Variants in ABCA3 observed in about 807,000 individuals in gnomAD.
The protein encoded by ABCA3 is ATP binding cassette subfamily A member 3.
In ABCA3, 88 loss-of-function variants were observed where a neutral mutation model predicts 172.8. The ratio of observed to expected loss-of-function variants is 0.51; its 90% confidence interval spans 0.43 to 0.61. ABCA3 has a LOEUF of 0.61. Among genes scored for constraint, ABCA3 ranks in the 20% least tolerant of loss-of-function variants. ABCA3 has a pLI of 0.00. For synonymous variants in ABCA3, 1,066 were observed against 983.8 expected (o/e 1.08, Z -1.56); for missense variants, 2,164 against 2,301.0 (o/e 0.94, Z 1.22).
intron 8 of ABCA3, among the ~76,000 whole-genome samples, chr16:2,318,692 T>C (rs554277994): frequency 7.2e-5 from 11 of 152,106 alleles, no homozygotes; most frequent in African/African-American, 2.6e-4. Flanking sequence ...TTTGTATTTT[T>C]AGTAGAGACA....
At chr16:2,317,063 G>A (rs1263218727) in intron 10 of ABCA3, among the ~76,000 whole-genome samples, 1 of 152,222 alleles carries the variant, frequency 6.6e-6, no homozygotes, top group Non-Finnish European at 1.5e-5. Context: ...CTGCTGGACA[G>A]CACTCGGCAT....
rs773818095 is a variant in ABCA3, at chr16:2,323,595, T to C, written c.541A>G (p.Thr181Ala). 2 of 1,614,128 alleles carry C rather than the reference T, an allele frequency of 1.2e-6. No individual in the cohort carries two copies. The highest frequency in any genetic ancestry group is 1.7e-5 in the Admixed American group (1 of 60,006). Residue 181 changes from threonine (T) to alanine (A), a missense_variant, in exon 7 of 33, where the codon ACT (threonine) becomes GCT (alanine). By Grantham distance (58) the Thr-to-Ala change is moderately conservative (BLOSUM62 0). Transcript: ENST00000301732. The part of the protein sequence containing the change: ...FFLKETEGWH[T>A]TSLFPLFPNP... ...GGGAAAAGCGGGAAAAGGGAAGTAG[T>C]GTGCCAGCCTTCTGTCTCTTTCAGG...
rs1477629951 is a variant in ABCA3 at position 2,319,679 on chromosome 16, T to A, written c.775A>T (p.Ile259Phe). Reference protein sequence around the residue: ...PFIADPFLVAIQYQLPLLLLL... With the variant: ...PFIADPFLVAFQYQLPLLLLL... ...AGCAGCAGGGGCAGCTGGTACTGGA[T>A]GGCCACGAGGAAGGGGTCTGCGATG... The change falls in exon 8 of 33, where the codon ATC becomes TTC. Residue 259 changes from isoleucine (I) to phenylalanine (F), a missense_variant. Coordinates refer to ENST00000301732, the MANE Select transcript of ABCA3 (RefSeq NM_001089.3). The A allele has an allele frequency of 6.2e-7, 1 of 1,613,684 alleles. No individual in the cohort carries two copies. Among genetic ancestry groups the A allele is most frequent in the African/African-American group, 1.3e-5 (1 of 74,846 alleles).
chr16:2,281,572 G>C lies in ABCA3; in HGVS notation c.4036-63C>G, dbSNP rs1201552587. On this transcript the variant is annotated intron_variant, in intron 26 of 32. Coordinates refer to ENST00000301732, the MANE Select transcript of ABCA3 (RefSeq NM_001089.3). The surrounding 1 kb of genome is among the most constrained non-coding windows in gnomAD (Gnocchi z 4.7). ...GCCGCAGGGCGGCTTCCGTGGAGAAGGGAGGGGCGGGGGTGGATGTGGGAG... is the reference window on the plus strand; with the variant it reads ...GCCGCAGGGCGGCTTCCGTGGAGAACGGAGGGGCGGGGGTGGATGTGGGAG... 1 of 1,547,614 alleles carries C rather than the reference G, an allele frequency of 6.5e-7. No individual in the cohort carries two copies. Among genetic ancestry groups the C allele is most frequent in the Non-Finnish European group, 8.9e-7 (1 of 1,129,768 alleles).
At position 2,284,136 on chromosome 16, in the gene ABCA3, A is replaced by C; in HGVS notation, c.3862+143T>G. 9.5e-7 allele frequency: 1 copy of C among 1,054,102 alleles called. No homozygotes were observed. Among genetic ancestry groups the C allele is most frequent in the Non-Finnish European group, 1.3e-6 (1 of 750,134 alleles). 65.3% of individuals were successfully genotyped at this position (1,054,102 alleles called of 1,614,324 possible). A position where few individuals can be genotyped will look rare whatever the true frequency, so the allele number is the denominator to read the frequency against. ...GCGGGCGCGAGGGGGCTGCTGTGGG[A>C]GGTGGGGCAAGGCGGTACAGAGGAA... On this transcript the variant is annotated intron_variant, in intron 25 of 32. Coordinates refer to ENST00000301732, the MANE Select transcript of ABCA3 (RefSeq NM_001089.3). The surrounding 1 kb of genome is among the most constrained non-coding windows in gnomAD (Gnocchi z 5.9).
chr16:2,280,038 G>A (rs2093652689), intron 28 of ABCA3, among the ~76,000 whole-genome samples: 1 of 152,276 alleles, frequency 6.6e-6, no homozygotes, highest in South Asian at 2.1e-4. Flanking sequence ...CGTGAGCCAC[G>A]CTCCCAGCCC....
chr16:2,284,256 G>A lies in ABCA3; in HGVS notation c.3862+23C>T, dbSNP rs544213510. 3.5e-5 allele frequency: 56 copies of A among 1,607,850 alleles called. No individual in the cohort carries two copies. Among genetic ancestry groups the A allele is most frequent in the Non-Finnish European group, 4.0e-5 (47 of 1,176,034 alleles). ...TCCTGAGGACGCAGGGGTGCTGCCC[G>A]GGGTCGGGGCTGGGACACTCACTAT... On this transcript the variant is annotated intron_variant, in intron 25 of 32. Transcript: ENST00000301732. This position sits in a 1 kb window ranked among gnomAD's most constrained non-coding sequence, Gnocchi z 5.9.
chr16:2,333,300 G>A (rs1404414182), intron 1 of ABCA3, among the ~76,000 whole-genome samples: 2 of 152,122 alleles, frequency 1.3e-5, no homozygotes, highest in Non-Finnish European at 2.9e-5. Context: ...TGTCCACAAA[G>A]GCATAGAGAA....
chr16:2,301,346 A>G (rs2141712554), intron 12 of ABCA3, among the ~76,000 whole-genome samples: 1 of 152,174 alleles, frequency 6.6e-6, no homozygotes, highest in East Asian at 1.9e-4. Flanking sequence ...GGTCAGTGTC[A>G]TCTTACAGTT....
intron 13 of ABCA3, 119 bp from the exon 14 acceptor site, chr16:2,299,651 T>C (rs1341410670): frequency 6.6e-7 from 1 of 1,504,366 alleles, no homozygotes; most frequent in Non-Finnish European, 9.1e-7. Flanking sequence ...TCACCATCAG[T>C]GTGCAGAGGG....
chr16:2,337,567 T>A (rs975375068), intron 1 of ABCA3, among the ~76,000 whole-genome samples: 1 of 151,190 alleles, frequency 6.6e-6, no homozygotes. Context: ...TTTTTTTTTT[T>A]AGAGATGGGA....
rs555325711 is a variant in ABCA3, at chr16:2,282,849, C to T, written c.4035+337G>A. Among the ~76,000 whole-genome samples, 14 of 144,338 alleles carry T rather than the reference C, an allele frequency of 9.7e-5. No individual in the cohort carries two copies. In the South Asian group the frequency reaches 1.4e-3, roughly 14 times the overall value. The allele number at this position is 144,338 out of a possible 152,430, so 94.7% of individuals were successfully genotyped here. On this transcript the variant is annotated intron_variant, in intron 26 of 32. Coordinates refer to ENST00000301732, the MANE Select transcript of ABCA3 (RefSeq NM_001089.3). The stretch of plus-strand genomic sequence containing the variant: ...CCGGGCACTGGGTGTCCCTGGGCAC[C>T]ACCTCTGCTCAGCAGGACTGGGCAC...
Position 2,277,855 on chromosome 16 carries a change from G to C in ABCA3, c.4909+24C>G. 1.9e-6 allele frequency: 3 copies of C among 1,607,526 alleles called. No homozygotes were observed. In the South Asian group the frequency reaches 3.3e-5, roughly 18 times the overall value. On this transcript the variant is annotated intron_variant, in intron 31 of 32. Coordinates refer to ENST00000301732, the MANE Select transcript of ABCA3 (RefSeq NM_001089.3). The surrounding 1 kb of genome is among the most constrained non-coding windows in gnomAD (Gnocchi z 5.3). ...GTAGGGGCCCAGGGCCCACCCAGTG[G>C]GGGCTGCCGGGGCCGGCACACACCT...
chr16:2,318,872 C>T (rs752693532), intron 8 of ABCA3, among the ~76,000 whole-genome samples: 2 of 152,116 alleles, frequency 1.3e-5, no homozygotes, highest in Non-Finnish European at 2.9e-5. Context: ...GCACAATGGT[C>T]TCTCACATTC....
At chr16:2,323,402 A>G (rs2093729085) in intron 7 of ABCA3, 121 bp downstream of exon 7, 7 of 1,351,900 alleles carry the variant, frequency 5.2e-6, no homozygotes, top group Non-Finnish European at 7.4e-6. Flanking sequence ...CTTGGAACCA[A>G]GCCAAATGTC....
intron 1 of ABCA3, among the ~76,000 whole-genome samples, chr16:2,335,259 G>T (rs1410740088): frequency 2.6e-5 from 4 of 152,148 alleles, no homozygotes; most frequent in African/African-American, 9.7e-5. Context: ...AAATCTACTT[G>T]TAAGTATTTT....
At chr16:2,303,297 G>A (rs554886528) in intron 12 of ABCA3, among the ~76,000 whole-genome samples, 2 of 144,456 alleles carry the variant, frequency 1.4e-5, no homozygotes, top group African/African-American at 5.2e-5. Context: ...GACTCTCGCT[G>A]TGTTGCCAGG....
In ABCA3 at chr16:2,292,271, CTCAGTGACTT is replaced by C. The variant is rs776655155; in HGVS notation, c.2415-43_2415-34del. 3.2e-6 allele frequency: 5 copies of C among 1,541,524 alleles called. No individual in the cohort carries two copies. The East Asian group carries it at 9.0e-5, about 28-fold the overall frequency. On this transcript the variant is annotated intron_variant, in intron 18 of 32. Coordinates refer to ENST00000301732, the MANE Select transcript of ABCA3 (RefSeq NM_001089.3). ...ACAGACCCAGCATTATGAGTCACTT[CTCAGTGACTT>C]TCTAGATAATTTGTTCCTAAAGCAT...
At chr16:2,337,078 A>AT (rs879431925) in intron 1 of ABCA3, among the ~76,000 whole-genome samples, 155 of 130,064 alleles carry the variant, frequency 1.2e-3, no homozygotes, top group East Asian at 1.6e-3. Flanking sequence ...ATACCTGGCT[A>AT]TTTTTTTTTT....
Sources: allele counts gnomAD v4.1 joint callset (sites outside exome capture counted in the v4.1 genomes callset), GRCh38; gene constraint gnomAD v4.1.1; non-coding constraint Gnocchi (gnomAD v3.1); transcripts MANE v1.5; gene names NCBI Gene and HGNC (gene_info 2026-07-23, HGNC 2026-07-21).